The following PLCB4 variants were observed in gnomAD, a reference collection of about 807,000 sequenced individuals.
PLCB4 encodes phospholipase C beta 4.
Under a neutral mutation model 178.8 loss-of-function variants are expected in PLCB4, and 77 were observed. The ratio of observed to expected loss-of-function variants is 0.43; its 90% CI spans 0.36 to 0.52. PLCB4 has a LOEUF of 0.52. Ranked by LOEUF, PLCB4 falls within the 20% of genes least tolerant of loss-of-function variation. The probability of loss-of-function intolerance (pLI) is 0.00; values close to 1 mark genes in which losing one functional copy is unlikely to be tolerated. For missense variants in PLCB4, 1,024 were observed against 1,453.4 expected (o/e 0.70, Z 4.80); for synonymous variants, 496 against 490.8 (o/e 1.01, Z -0.14).
chr20:9,324,607 G>C (rs1242532275), intron 4 of PLCB4, among the ~76,000 whole-genome samples: 1 of 152,142 alleles, frequency 6.6e-6, no homozygotes, highest in Non-Finnish European at 1.5e-5. Flanking sequence ...AGGTCCTCAG[G>C]ATAAGCCTCC....
intron 35 of PLCB4, among the ~76,000 whole-genome samples, chr20:9,461,637 A>G (rs915158766): frequency 4.6e-5 from 7 of 152,230 alleles, no homozygotes; most frequent in African/African-American, 7.2e-5. Flanking sequence ...TTCCACGCCC[A>G]TGTAGCCAGG....
At chr20:9,220,707 T>C (rs2093787742) in intron 3 of PLCB4, among the ~76,000 whole-genome samples, 2 of 152,220 alleles carry the variant, frequency 1.3e-5, no homozygotes, top group African/African-American at 4.8e-5. Context: ...CCAAACTTAA[T>C]GTTGACTTTT....
intron 2 of PLCB4, among the ~76,000 whole-genome samples, chr20:9,184,304 T>C (rs1241974099): frequency 6.6e-6 from 1 of 152,200 alleles, no homozygotes; most frequent in African/African-American, 2.4e-5. Context: ...TTTTCAAATT[T>C]TACTTGAGTA....
intron 3 of PLCB4, among the ~76,000 whole-genome samples, chr20:9,307,494 T>TAC (rs745918024): frequency 0.017 from 2,312 of 137,966 alleles, 41 homozygotes; most frequent in Admixed American, 0.022. Context: ...AAAAAAAGAA[T>TAC]ACACACACAC....
intron 3 of PLCB4, among the ~76,000 whole-genome samples, chr20:9,291,626 C>G (rs116890280): frequency 6.6e-6 from 1 of 152,110 alleles, no homozygotes; most frequent in African/African-American, 2.4e-5. Flanking sequence ...TTTTTTCTCA[C>G]TATCTCTATT....
chr20:9,104,349 G>T (rs1252003017), intron 2 of PLCB4, among the ~76,000 whole-genome samples: 1 of 152,136 alleles, frequency 6.6e-6, no homozygotes, highest in Admixed American at 6.6e-5. Context: ...ATGGGAACTG[G>T]TCTAGTGTCA....
chr20:9,288,152 C>A (rs953246632), intron 3 of PLCB4, among the ~76,000 whole-genome samples: 11 of 152,084 alleles, frequency 7.2e-5, no homozygotes, highest in South Asian at 2.1e-4. Flanking sequence ...TTATAACTTT[C>A]ATATTCTTCA....
At chr20:9,178,425 G>A (rs1259603301) in intron 2 of PLCB4, among the ~76,000 whole-genome samples, 1 of 151,848 alleles carries the variant, frequency 6.6e-6, no homozygotes. Context: ...TTTTCTTAGG[G>A]CAAAAACATT....
intron 3 of PLCB4, among the ~76,000 whole-genome samples, chr20:9,301,373 A>G (rs2094701438): frequency 6.6e-6 from 1 of 151,898 alleles, no homozygotes; most frequent in Non-Finnish European, 1.5e-5. Flanking sequence ...ACATGTCCAG[A>G]GACAAAAAAT....
chr20:9,431,814 C>A (rs2041437172), intron 28 of PLCB4, among the ~76,000 whole-genome samples: 1 of 152,026 alleles, frequency 6.6e-6, no homozygotes, highest in Non-Finnish European at 1.5e-5. Context: ...CCGGCCTCCG[C>A]TTTATTTTCT....
chr20:9,413,750 A>G (rs1273968180), intron 25 of PLCB4, among the ~76,000 whole-genome samples: 1 of 150,122 alleles, frequency 6.7e-6, no homozygotes, highest in Non-Finnish European at 1.5e-5. Context: ...GCAGTGTCTC[A>G]CTCTCTCCAC....
At chr20:9,346,457 A>G (rs2033803647) in intron 7 of PLCB4, among the ~76,000 whole-genome samples, 1 of 152,238 alleles carries the variant, frequency 6.6e-6, no homozygotes, top group Non-Finnish European at 1.5e-5. Context: ...TGAACTGCCT[A>G]TTGATCACCC....
chr20:9,357,208 T>C (rs1812332426), intron 7 of PLCB4, among the ~76,000 whole-genome samples: 5 of 152,228 alleles, frequency 3.3e-5, no homozygotes, highest in Admixed American at 3.3e-4. Context: ...ATGTTTTAAA[T>C]ATTTCAGATG....
At chr20:9,428,127 C>A (rs2041154171) in intron 28 of PLCB4, among the ~76,000 whole-genome samples, 1 of 152,118 alleles carries the variant, frequency 6.6e-6, no homozygotes, top group East Asian at 1.9e-4. Context: ...TCAGATATTT[C>A]CAGAGAAAGA....
intron 3 of PLCB4, among the ~76,000 whole-genome samples, chr20:9,286,951 G>C (rs1488696113): frequency 1.3e-5 from 2 of 152,128 alleles, no homozygotes; most frequent in East Asian, 3.9e-4. Context: ...TCTAGTCTGT[G>C]AGTCAAAGAA....
chr20:9,421,424 A>G lies in PLCB4; in HGVS notation c.2282A>G (p.Asn761Ser), dbSNP rs780175747. The change falls in exon 27 of 40, where the codon AAT becomes AGT. Residue 761 changes from asparagine (N) to serine (S), a missense_variant. By Grantham distance (46) the Asn-to-Ser change is conservative (BLOSUM62 1). Around this residue, in one of 7 missense-constraint regions of PLCB4, gnomAD observed 227 missense variants for 374.3 expected, o/e 0.61. Transcript: ENST00000378473. ...CGCATGGTTATGAATAATGGACTCA[A>G]TCCAGTTTACAATGAAGAGTCATTT... ...RTRMVMNNGL[N>S]PVYNEESFVF... The G allele has an allele frequency of 3.1e-6, 5 of 1,613,982 alleles. No individual in the cohort carries two copies. Among genetic ancestry groups the G allele is most frequent in the East Asian group, 2.2e-5 (1 of 44,886 alleles).
chr20:9,103,103 C>T (rs1446190562), intron 2 of PLCB4, among the ~76,000 whole-genome samples: 2 of 150,746 alleles, frequency 1.3e-5, no homozygotes, highest in Admixed American at 1.3e-4. Flanking sequence ...CGGCTCACTG[C>T]AAGCTCCACC....
chr20:9,206,942 C>T (rs1464714294), intron 2 of PLCB4, among the ~76,000 whole-genome samples: 6 of 152,102 alleles, frequency 3.9e-5, no homozygotes, highest in African/African-American at 1.2e-4. Context: ...TATGGTGAAA[C>T]CCCATCTCTA....
intron 2 of PLCB4, among the ~76,000 whole-genome samples, chr20:9,185,165 G>A (rs918432783): frequency 6.6e-6 from 1 of 152,148 alleles, no homozygotes; most frequent in Non-Finnish European, 1.5e-5. Flanking sequence ...GGCCTCCCAA[G>A]TTGCTTGGAT....
Sources: gnomAD v4.1 joint callset for allele counts (sites outside exome capture counted in the v4.1 genomes callset) on GRCh38, gnomAD v4.1.1 for gene constraint, gnomAD v4.1.1 regional missense constraint, MANE v1.5 for transcripts, NCBI Gene and HGNC (gene_info 2026-07-23, HGNC 2026-07-21) for gene names.